Variants in ATRNL1 observed in about 807,000 individuals in gnomAD.
The protein encoded by ATRNL1 is attractin-like protein 1.
A neutral mutation model predicts 182.7 loss-of-function variants in ATRNL1; 95 were observed. The ratio of observed to expected loss-of-function variants is 0.52; its 90% CI spans 0.44 to 0.62. The LOEUF is 0.62. Ranked by LOEUF, ATRNL1 falls within the 20% of genes least tolerant of loss-of-function variation. ATRNL1 has a pLI of 0.00. For synonymous variants in ATRNL1, 576 were observed against 568.3 expected, an observed-to-expected ratio of 1.01 and a Z score of -0.19; for missense variants, 1,471 against 1,679.5, an observed-to-expected ratio of 0.88 and a Z score of 2.17.
chr10:115,911,743 C>T (rs1555115967), intron 28 of ATRNL1, among the ~76,000 whole-genome samples: 1 of 152,138 alleles, frequency 6.6e-6, no homozygotes, highest in African/African-American at 2.4e-5. Flanking sequence ...TCTATTCATC[C>T]TCCACCAAGC....
chr10:115,804,168 C>T (rs1949864679), intron 27 of ATRNL1, among the ~76,000 whole-genome samples: 1 of 152,066 alleles, frequency 6.6e-6, no homozygotes, highest in African/African-American at 2.4e-5. Flanking sequence ...GAACTTAGAT[C>T]CAGGTTTGTA....
chr10:115,189,294 T>G (rs1043488825), intron 8 of ATRNL1, among the ~76,000 whole-genome samples: 5 of 152,192 alleles, frequency 3.3e-5, no homozygotes, highest in Non-Finnish European at 7.4e-5. Flanking sequence ...TAGTGATTTA[T>G]GTGTTTACTA....
chr10:115,740,473 C>T (rs1948102997), intron 27 of ATRNL1, among the ~76,000 whole-genome samples: 1 of 149,158 alleles, frequency 6.7e-6, no homozygotes, highest in Non-Finnish European at 1.5e-5. Context: ...AGTTCCAGGC[C>T]AGGCTGAGCA....
At chr10:115,573,100 T>C (rs1365233144) in intron 26 of ATRNL1, among the ~76,000 whole-genome samples, 1 of 152,208 alleles carries the variant, frequency 6.6e-6, no homozygotes, top group Non-Finnish European at 1.5e-5. Context: ...GACAGATTTC[T>C]GTATCCTAAG....
chr10:115,320,607 T>G (rs1854532494), intron 18 of ATRNL1, among the ~76,000 whole-genome samples: 1 of 152,148 alleles, frequency 6.6e-6, no homozygotes. Flanking sequence ...TTTTGTTTCT[T>G]TAGTCTTGTC....
At chr10:115,921,074 G>A (rs1589697165) in intron 28 of ATRNL1, among the ~76,000 whole-genome samples, 2 of 152,106 alleles carry the variant, frequency 1.3e-5, no homozygotes, top group African/African-American at 4.8e-5. Context: ...GATAGCATTA[G>A]GAAGATTTTA....
chr10:115,124,661 G>C (rs1554872827), intron 3 of ATRNL1, among the ~76,000 whole-genome samples: 1 of 152,044 alleles, frequency 6.6e-6, no homozygotes, highest in African/African-American at 2.4e-5. Flanking sequence ...AGTGTTTCTG[G>C]AGTGGCCATC....
intron 26 of ATRNL1, among the ~76,000 whole-genome samples, chr10:115,588,150 T>G (rs1855680243): frequency 6.6e-6 from 1 of 152,198 alleles, no homozygotes; most frequent in Admixed American, 6.5e-5. Context: ...TGGAAAATGT[T>G]AAACCTGATA....
intron 11 of ATRNL1, among the ~76,000 whole-genome samples, chr10:115,265,552 C>G (rs1300262885): frequency 1.3e-5 from 2 of 151,404 alleles, no homozygotes; most frequent in Non-Finnish European, 1.5e-5. Context: ...TTTTCTTTTT[C>G]CAGAGATCAG....
intron 25 of ATRNL1, among the ~76,000 whole-genome samples, chr10:115,540,216 A>G (rs1852274803): frequency 6.6e-6 from 1 of 152,018 alleles, no homozygotes; most frequent in Non-Finnish European, 1.5e-5. Flanking sequence ...ATCTGATCCT[A>G]ATTAACATTA....
At chr10:115,117,104 A>G (rs1360389363) in intron 1 of ATRNL1, among the ~76,000 whole-genome samples, 1 of 152,034 alleles carries the variant, frequency 6.6e-6, no homozygotes, top group Non-Finnish European at 1.5e-5. Context: ...GTATATGTTT[A>G]TGGGGTATGT....
intron 5 of ATRNL1, 87 bp from the exon 6 acceptor site, chr10:115,159,953 C>A (rs1846698713): frequency 2.0e-6 from 2 of 978,772 alleles, no homozygotes; most frequent in Non-Finnish European, 2.9e-6. Flanking sequence ...ACATTGAATT[C>A]TTAAATTCTC....
chr10:115,436,540 G>C (rs780869215), intron 21 of ATRNL1, among the ~76,000 whole-genome samples: 11 of 152,094 alleles, frequency 7.2e-5, no homozygotes, highest in Non-Finnish European at 1.3e-4. Context: ...TTTTGAAATT[G>C]TTCTAAATGT....
intron 21 of ATRNL1, among the ~76,000 whole-genome samples, chr10:115,430,850 G>T (rs1228471850): frequency 2.6e-5 from 4 of 152,094 alleles, no homozygotes; most frequent in African/African-American, 9.7e-5. Context: ...AGAGGCTAGG[G>T]ATGCTGGTAA....
intron 20 of ATRNL1, among the ~76,000 whole-genome samples, chr10:115,421,797 A>G (rs782118555): frequency 6.6e-6 from 1 of 152,202 alleles, no homozygotes; most frequent in East Asian, 1.9e-4. Context: ...TTCAAACTAT[A>G]TTACAAGGCT....
chr10:115,204,945 C>G (rs1308306717), intron 8 of ATRNL1, among the ~76,000 whole-genome samples: 5 of 151,974 alleles, frequency 3.3e-5, no homozygotes, highest in Non-Finnish European at 5.9e-5. Flanking sequence ...GATTCAAAAA[C>G]TTGATTAGTG....
intron 26 of ATRNL1, among the ~76,000 whole-genome samples, chr10:115,705,132 T>A (rs1946857273): frequency 6.6e-6 from 1 of 151,948 alleles, no homozygotes; most frequent in Non-Finnish European, 1.5e-5. Flanking sequence ...ACTCAGTAAA[T>A]GTTAATTGAA....
intron 21 of ATRNL1, 34 bp from the exon 22 acceptor site, chr10:115,461,907 C>T: frequency 1.4e-6 from 2 of 1,479,244 alleles, no homozygotes; most frequent in Middle Eastern, 3.5e-4. Context: ...TTTTAAAGTA[C>T]ATATCAGGAT....
At chr10:115,824,622 A>G (rs1555091421) in intron 27 of ATRNL1, among the ~76,000 whole-genome samples, 1 of 152,184 alleles carries the variant, frequency 6.6e-6, no homozygotes, top group Non-Finnish European at 1.5e-5. Flanking sequence ...ATGAACAGAC[A>G]CTTCTCAAAA....
Sources: allele counts gnomAD v4.1 joint callset (sites outside exome capture counted in the v4.1 genomes callset), GRCh38; gene constraint gnomAD v4.1.1; transcripts MANE v1.5; gene names NCBI Gene and HGNC (gene_info 2026-07-23, HGNC 2026-07-21).